Variants in PCDH15 observed in about 807,000 individuals in gnomAD.
PCDH15 encodes protocadherin-15.
PCDH15 carries 129 observed loss-of-function variants against 178.5 expected under a neutral mutation model. The ratio of observed to expected loss-of-function variants is 0.72; its 90% CI spans 0.63 to 0.84. The LOEUF is 0.84. Ranked by LOEUF, PCDH15 falls within the 40% of genes least tolerant of loss-of-function variation. The probability of loss-of-function intolerance (pLI) is 0.00; values close to 1 mark genes in which losing one functional copy is unlikely to be tolerated. For missense variants in PCDH15, 2,230 were observed against 2,099.9 expected (o/e 1.06, Z -1.21); for synonymous variants, 800 against 732.0 (o/e 1.09, Z -1.50).
At position 54,174,702 on chromosome 10, in the gene PCDH15, C is replaced by CTTTTTTTTTTTTTT. The variant is rs1169302544; in HGVS notation, c.1590+8728_1590+8741dup. Among the ~76,000 whole-genome samples, 497 of 84,024 alleles carry CTTTTTTTTTTTTTT rather than the reference C, an allele frequency of 5.9e-3. 12 individuals are homozygous for CTTTTTTTTTTTTTT. The highest frequency in any genetic ancestry group is 7.9e-3 in the Non-Finnish European group (370 of 46,754). The allele number at this position is 84,024 out of a possible 152,430, so 55.1% of individuals were successfully genotyped here. The stretch of plus-strand genomic sequence containing the variant: ...CTTCTTTCTTTTTTCTTTTTCTTTT[C>CTTTTTTTTTTTTTT]TTTTTTTTTTTTTTTTTTTTTGAGA... On this transcript the variant is annotated intron_variant, in intron 13 of 37. Transcript: ENST00000644397.
At chr10:55,389,753 A>C (rs1436318601) in intron 2 of PCDH15, among the ~76,000 whole-genome samples, 1 of 152,136 alleles carries the variant, frequency 6.6e-6, no homozygotes, top group Non-Finnish European at 1.5e-5. Context: ...ACATATCATC[A>C]AACCAACAGT....
intron 3 of PCDH15, among the ~76,000 whole-genome samples, chr10:54,501,173 TG>T (rs2080647064): frequency 1.3e-5 from 2 of 151,848 alleles, no homozygotes; most frequent in South Asian, 2.1e-4. Flanking sequence ...CCATGGCGCA[TG>T]TATACCTATG....
At chr10:54,728,368 C>T (rs1458062424) in intron 1 of PCDH15, among the ~76,000 whole-genome samples, 1 of 151,368 alleles carries the variant, frequency 6.6e-6, no homozygotes, top group Admixed American at 6.6e-5. Context: ...ACAGAAAAGA[C>T]TTTTGATAAA....
At chr10:55,604,932 C>T (rs1322158341) in intron 2 of PCDH15, among the ~76,000 whole-genome samples, 3 of 151,350 alleles carry the variant, frequency 2.0e-5, no homozygotes, top group Non-Finnish European at 2.9e-5. Context: ...ACAAAAAACC[C>T]TTCAAAAAAT....
intron 2 of PCDH15, among the ~76,000 whole-genome samples, chr10:54,570,156 A>G (rs1025826927): frequency 6.8e-4 from 104 of 152,200 alleles, no homozygotes; most frequent in Non-Finnish European, 1.5e-4. Context: ...TGGATCAACT[A>G]CAAGTGGTCA....
chr10:53,863,438 A>AT (rs1479454746), intron 27 of PCDH15, among the ~76,000 whole-genome samples: 3 of 152,172 alleles, frequency 2.0e-5, no homozygotes, highest in Non-Finnish European at 4.4e-5. Flanking sequence ...AAGGACTGGC[A>AT]TCATCAGTAC....
At chr10:55,394,997 T>C (rs1837885812) in intron 2 of PCDH15, among the ~76,000 whole-genome samples, 1 of 152,110 alleles carries the variant, frequency 6.6e-6, no homozygotes, top group South Asian at 2.1e-4. Context: ...TGAATTGTAA[T>C]AATATTTAAC....
At chr10:53,914,304 C>A (rs567298296) in intron 25 of PCDH15, among the ~76,000 whole-genome samples, 1 of 152,300 alleles carries the variant, frequency 6.6e-6, no homozygotes, top group African/African-American at 2.4e-5. Flanking sequence ...ACTATAAAGA[C>A]ACATGCACAC....
intron 15 of PCDH15, among the ~76,000 whole-genome samples, chr10:54,130,747 T>G (rs1468781476): frequency 2.6e-5 from 4 of 152,156 alleles, no homozygotes; most frequent in Non-Finnish European, 5.9e-5. Flanking sequence ...AATTCTGTCT[T>G]CCAAATTGAG....
In PCDH15 at chr10:53,809,163, C is replaced by CT. The variant is rs757596933; in HGVS notation, c.4671+1392dup. The stretch of plus-strand genomic sequence containing the variant: ...AACTCTCCTCCTCCTCAGAGGGTGT[C>CT]TCTGACTCAGATTCCTCTTCTGTAG... On this transcript the variant is annotated intron_variant, in intron 37 of 37. Coordinates refer to ENST00000644397, the MANE Select transcript of PCDH15 (RefSeq NM_001384140.1). 5.6e-6 allele frequency: 9 copies of CT among 1,613,824 alleles called. No homozygotes were observed. The African/African-American group carries it at 1.2e-4, about 22-fold the overall frequency.
rs368430105 is a variant in PCDH15 at position 55,473,953 on chromosome 10, A to G, written c.-156+153672T>C. Among the ~76,000 whole-genome samples the G allele has an allele frequency of 6.6e-5, 10 of 152,172 alleles. No individual in the cohort carries two copies. In the East Asian group the frequency reaches 7.7e-4, roughly 12 times the overall value. ...CCTATTTAAGTAATAACCAAAATCAAGGCTTGGGAAAGGTGTTTGTAAACT... is the reference window on the plus strand; with the variant it reads ...CCTATTTAAGTAATAACCAAAATCAGGGCTTGGGAAAGGTGTTTGTAAACT... On this transcript the variant is annotated intron_variant, in intron 2 of 5. Transcript: ENST00000613346.
At chr10:55,330,759 C>T (rs1168082893) in intron 2 of PCDH15, among the ~76,000 whole-genome samples, 7 of 151,346 alleles carry the variant, frequency 4.6e-5, no homozygotes, top group Non-Finnish European at 1.0e-4. Context: ...ATCCTGATGA[C>T]GAAGGTCTCC....
chr10:53,887,361 A>G (rs1199489695), intron 26 of PCDH15, among the ~76,000 whole-genome samples: 1 of 152,216 alleles, frequency 6.6e-6, no homozygotes, highest in Non-Finnish European at 1.5e-5. Flanking sequence ...AACCAATAAG[A>G]AAAATACTAG....
intron 2 of PCDH15, among the ~76,000 whole-genome samples, chr10:55,562,334 T>C (rs1342023293): frequency 6.6e-6 from 1 of 152,018 alleles, no homozygotes; most frequent in East Asian, 1.9e-4. Flanking sequence ...ATGAATTCAA[T>C]TAGTTTTGAA....
At chr10:53,821,553 T>A (rs912408858) in intron 32 of PCDH15, 2 of 1,100,570 alleles carry the variant, frequency 1.8e-6, no homozygotes, top group African/African-American at 3.3e-5. Flanking sequence ...TTGGTTTAAG[T>A]TGGGTATCTA....
chr10:55,571,613 C>T (rs1471647472), intron 2 of PCDH15, among the ~76,000 whole-genome samples: 1 of 152,038 alleles, frequency 6.6e-6, no homozygotes, highest in Non-Finnish European at 1.5e-5. Context: ...AAATTAGTAA[C>T]TAATCTTTCA....
chr10:55,045,453 G>C (rs1250207245), intron 2 of PCDH15, among the ~76,000 whole-genome samples: 1 of 151,904 alleles, frequency 6.6e-6, no homozygotes, highest in Non-Finnish European at 1.5e-5. Context: ...AAAATATAGG[G>C]AGGAGAAGTC....
At chr10:54,717,278 A>G (rs1218857634) in intron 1 of PCDH15, among the ~76,000 whole-genome samples, 1 of 120,738 alleles carries the variant, frequency 8.3e-6, no homozygotes, top group African/African-American at 3.3e-5. Context: ...ATTAAACTAA[A>G]GAGCTTCTGC....
intron 8 of PCDH15, among the ~76,000 whole-genome samples, chr10:54,290,754 T>G (rs111234483): frequency 0.11 from 16,662 of 152,166 alleles, 974 homozygotes; most frequent in Middle Eastern, 0.2. Flanking sequence ...TCTTAGTCTC[T>G]GATAAAACAG....
Sources: gnomAD v4.1 joint callset for allele counts (sites outside exome capture counted in the v4.1 genomes callset) on GRCh38, gnomAD v4.1.1 for gene constraint, MANE v1.5 for transcripts, NCBI Gene and HGNC (gene_info 2026-07-23, HGNC 2026-07-21) for gene names.